Variants in PALD1 observed in about 807,000 individuals in gnomAD.
PALD1 encodes the protein paladin.
In PALD1, 57 loss-of-function variants were observed where a neutral mutation model predicts 96.0. That is an observed-to-expected ratio of 0.59 (90% CI 0.48 to 0.74). The LOEUF (loss-of-function observed/expected upper bound fraction) is 0.74. Ranked by LOEUF, PALD1 falls within the 30% of genes least tolerant of loss-of-function variation. The probability of loss-of-function intolerance (pLI) is 0.00; values close to 1 mark genes in which losing one functional copy is unlikely to be tolerated. For synonymous variants in PALD1, 464 were observed against 473.6 expected, an observed-to-expected ratio of 0.98 and a Z score of 0.26; for missense variants, 1,063 against 1,143.7, an observed-to-expected ratio of 0.93 and a Z score of 1.02.
intron 1 of PALD1, among the ~76,000 whole-genome samples, chr10:70,519,042 G>T (rs1425148208): frequency 6.6e-6 from 1 of 152,240 alleles, no homozygotes; most frequent in Non-Finnish European, 1.5e-5. Context: ...CTGTGTGAAT[G>T]GGGGCATATC....
Position 70,528,275 on chromosome 10 carries a change from A to G in PALD1, c.186-954A>G, listed in dbSNP as rs145702315. On this transcript the variant is annotated intron_variant, in intron 2 of 19. Coordinates refer to ENST00000263563, the MANE Select transcript of PALD1 (RefSeq NM_014431.3). ...TTGAGGGCACAGTAAATCTTGTTTG[A>G]GTGTTTGGACTTTTACCTGGTTTAG... Among the ~76,000 whole-genome samples the G allele has an allele frequency of 4.5e-3, 686 of 152,244 alleles. 5 individuals are homozygous for G. The highest frequency in any genetic ancestry group is 0.016 in the African/African-American group (664 of 41,532).
At chr10:70,516,374 TC>T (rs1325150399) in intron 1 of PALD1, among the ~76,000 whole-genome samples, 3 of 152,182 alleles carry the variant, frequency 2.0e-5, no homozygotes, top group African/African-American at 7.2e-5. Flanking sequence ...CCTCAAGTGA[TC>T]CGCCCACCTC....
At chr10:70,506,201 C>T (rs1221760636) in intron 1 of PALD1, among the ~76,000 whole-genome samples, 1 of 152,186 alleles carries the variant, frequency 6.6e-6, no homozygotes, top group Non-Finnish European at 1.5e-5. Flanking sequence ...ATCATGGACC[C>T]TTACGTGACA....
chr10:70,493,750 C>T (rs770116782), intron 1 of PALD1, among the ~76,000 whole-genome samples: 97 of 152,218 alleles, frequency 6.4e-4, no homozygotes, highest in Non-Finnish European at 1.0e-3. Flanking sequence ...GCCTCACCTT[C>T]AGCATGGATG....
At chr10:70,566,373 T>C (rs1308134143) in intron 19 of PALD1, among the ~76,000 whole-genome samples, 1 of 152,192 alleles carries the variant, frequency 6.6e-6, no homozygotes, top group African/African-American at 2.4e-5. Flanking sequence ...TTTCTGTATG[T>C]GTAGAGTCCT....
At chr10:70,461,117 C>G in the PALD1 span, among the ~76,000 whole-genome samples, 2 of 152,372 alleles carry the variant, frequency 1.3e-5, no homozygotes, top group Admixed American at 6.5e-5. Context: ...AGCCCTCTGG[C>G]TCATTGCTGT....
chr10:70,482,170 C>G (rs1262664957), intron 1 of PALD1, among the ~76,000 whole-genome samples: 1 of 152,210 alleles, frequency 6.6e-6, no homozygotes, highest in Non-Finnish European at 1.5e-5. Context: ...CCAGGCACCT[C>G]TCCTGTGAAA....
At chr10:70,466,031 G>A in the PALD1 span, among the ~76,000 whole-genome samples, 3 of 152,194 alleles carry the variant, frequency 2.0e-5, no homozygotes, top group African/African-American at 7.2e-5. Context: ...GGCTGTCACC[G>A]GGGAGGCTGG....
chr10:70,531,718 C>T (rs559074120), intron 5 of PALD1, among the ~76,000 whole-genome samples: 10 of 152,150 alleles, frequency 6.6e-5, no homozygotes, highest in Admixed American at 2.6e-4. Context: ...TCTGGTGGGC[C>T]GGGTGCAGTG....
rs182471199 is a variant in PALD1 at position 70,507,137 on chromosome 10, C to T, written c.-29-18786C>T. Among the ~76,000 whole-genome samples the T allele has an allele frequency of 6.6e-3, 999 of 151,982 alleles. 9 individuals are homozygous for T. The highest frequency in any genetic ancestry group is 0.023 in the African/African-American group (941 of 41,460). On this transcript the variant is annotated intron_variant, in intron 1 of 19. Transcript: ENST00000263563. ...TTTTTTTAGGACAGGCACGGTGGCT[C>T]GTGCCTGTAATCCTAGCACTTTGGG...
intron 17 of PALD1, among the ~76,000 whole-genome samples, chr10:70,545,842 C>G (rs1847350731): frequency 1.3e-5 from 2 of 152,048 alleles, no homozygotes; most frequent in Non-Finnish European, 2.9e-5. Context: ...TTCTTACACC[C>G]CCTCCTCACC....
chr10:70,461,643 G>A, the PALD1 span, among the ~76,000 whole-genome samples: 4 of 152,326 alleles, frequency 2.6e-5, no homozygotes, highest in East Asian at 5.8e-4. Flanking sequence ...TTCCAGAACA[G>A]CTCCTATGCA....
chr10:70,505,124 C>T (rs1846360034), intron 1 of PALD1, among the ~76,000 whole-genome samples: 1 of 152,212 alleles, frequency 6.6e-6, no homozygotes, highest in East Asian at 1.9e-4. Flanking sequence ...TATCGTCACA[C>T]CTATTATCAG....
At chr10:70,495,486 G>GTATT (rs1368901844) in intron 1 of PALD1, among the ~76,000 whole-genome samples, 31 of 152,308 alleles carry the variant, frequency 2.0e-4, no homozygotes, top group African/African-American at 7.5e-4. Flanking sequence ...AGCAGACAGG[G>GTATT]TTGGAATTAC....
intron 18 of PALD1, 54 bp from the exon 19 acceptor site, chr10:70,564,306 TTGTG>T: frequency 6.5e-7 from 1 of 1,534,346 alleles, no homozygotes; most frequent in Non-Finnish European, 8.8e-7. Context: ...GGTGGCATGT[TTGTG>T]TGTTGGGGGA....
rs111459649 is a variant in PALD1 at position 70,532,433 on chromosome 10, C to T, written c.634-188C>T. Among the ~76,000 whole-genome samples, 862 of 152,340 alleles carry T rather than the reference C, an allele frequency of 5.7e-3. 5 individuals carry two copies. The highest frequency in any genetic ancestry group is 9.3e-3 in the Non-Finnish European group (636 of 68,030). ...CCCTCCTGCCTTGCCCCTGTGTAGG[C>T]ACCCCGATTCCTTCAGAACTCCCAG... On this transcript the variant is annotated intron_variant, in intron 5 of 19. Coordinates refer to ENST00000263563, the MANE Select transcript of PALD1 (RefSeq NM_014431.3).
At chr10:70,517,553 G>T (rs12358389) in intron 1 of PALD1, among the ~76,000 whole-genome samples, 24,972 of 152,006 alleles carry the variant, frequency 0.16, 2,309 homozygotes, top group Middle Eastern at 0.27. Context: ...TGTTGACCAG[G>T]CTGGTCTTGA....
In PALD1 at chr10:70,537,915, T is replaced by C; in HGVS notation, c.1323+9T>C. The C allele has an allele frequency of 6.3e-7, 1 of 1,581,988 alleles. No individual in the cohort carries two copies. The highest frequency in any genetic ancestry group is 8.7e-7 in the Non-Finnish European group (1 of 1,150,978). ...ACTACCTTCATGAGCAGGTGGGGCC[T>C]GGGAGGAGCAGACCCACGTCCCCTC... is the stretch of plus-strand genomic sequence containing the variant. On this transcript the variant is annotated intron_variant, in intron 11 of 19. Transcript: ENST00000263563.
chr10:70,470,102 G>A, the PALD1 span, among the ~76,000 whole-genome samples: 1 of 152,164 alleles, frequency 6.6e-6, no homozygotes, highest in African/African-American at 2.4e-5. Context: ...CCCTGACTCT[G>A]TTTCTTTAAA....
Sources: gnomAD v4.1 joint callset for allele counts (sites outside exome capture counted in the v4.1 genomes callset) on GRCh38, gnomAD v4.1.1 for gene constraint, MANE v1.5 for transcripts, NCBI Gene and HGNC (gene_info 2026-07-23, HGNC 2026-07-21) for gene names.